The following ACCS variants were observed in gnomAD, a reference collection of about 807,000 sequenced individuals.
The protein encoded by ACCS is 1-aminocyclopropane-1-carboxylate synthase-like protein 1.
In ACCS, 42 loss-of-function variants were observed where a neutral mutation model predicts 59.8. The ratio of observed to expected loss-of-function variants is 0.70; its 90% CI spans 0.55 to 0.91. The LOEUF (loss-of-function observed/expected upper bound fraction) is 0.91, where lower values mean the gene tolerates loss of function less well. ACCS is among the 40% of genes least tolerant of loss of function. ACCS has a pLI of 0.00. For missense variants in ACCS, 602 were observed against 630.4 expected (o/e 0.95, Z 0.48); for synonymous variants, 230 against 240.3 (o/e 0.96, Z 0.40).
intron 2 of ACCS, among the ~76,000 whole-genome samples, chr11:44,069,068 G>A (rs544749185): frequency 6.6e-6 from 1 of 152,172 alleles, no homozygotes; most frequent in African/African-American, 2.4e-5. Flanking sequence ...ATGAACATTT[G>A]AGCAGAAACC....
chr11:44,081,013 T>C lies in ACCS; in HGVS notation c.924-7T>C. 6.2e-7 allele frequency: 1 copy of C among 1,614,204 alleles called. No homozygotes were observed. The highest frequency in any genetic ancestry group is 8.5e-7 in the Non-Finnish European group (1 of 1,180,032). The stretch of plus-strand genomic sequence containing the variant: ...TTGCCTCTGTTCCCATGCTGTGCTC[T>C]CTGCAGGCTCCCTGACCCCCAGAGG... On this transcript the variant is annotated splice_region_variant and splice_polypyrimidine_tract_variant and intron_variant, in intron 10 of 14. Transcript: ENST00000263776.
At chr11:44,078,027 C>T (rs753864353) in intron 8 of ACCS, 105 bp downstream of exon 8, 82 of 1,392,136 alleles carry the variant, frequency 5.9e-5, no homozygotes, top group South Asian at 7.3e-5. Context: ...GGTTGATACC[C>T]GGTGATTGGG....
At chr11:44,072,109 A>G (rs2134830782) in intron 3 of ACCS, 1 of 152,098 alleles carries the variant, frequency 6.6e-6, no homozygotes, top group Admixed American at 6.6e-5. Context: ...CCAAAGGGAG[A>G]AATCTCAACC....
chr11:44,072,431 C>G (rs1308890363), intron 3 of ACCS: 1 of 152,100 alleles, frequency 6.6e-6, no homozygotes, highest in African/African-American at 2.4e-5. Flanking sequence ...GCTAGGATTA[C>G]AGGCGTGAGC....
chr11:44,075,852 C>T (rs1953336053), intron 6 of ACCS: 5 of 453,930 alleles, frequency 1.1e-5, no homozygotes, highest in Non-Finnish European at 2.0e-5. Flanking sequence ...CTGTCGCGTC[C>T]TCACGTGACA....
intron 3 of ACCS, chr11:44,073,232 T>C (rs1953146262): frequency 5.1e-6 from 3 of 586,212 alleles, no homozygotes; most frequent in Non-Finnish European, 9.2e-6. Context: ...GTCTCAGCTC[T>C]GCCACTTGCT....
Position 44,083,168 on chromosome 11 carries a change from G to A in ACCS, c.1112-1G>A. 6.2e-7 allele frequency: 1 copy of A among 1,613,886 alleles called. No homozygotes were observed. Among genetic ancestry groups the A allele is most frequent in the South Asian group, 1.1e-5 (1 of 91,076 alleles). On this transcript the variant is annotated splice_acceptor_variant, in intron 12 of 14. Transcript: ENST00000263776. LOFTEE classifies it high-confidence loss of function. ...TCTTCTGGCCTCTTTCACCCAAACA[G>A]ACTGGATCAACCAGGTGTACCTGCC...
At position 44,067,737 on chromosome 11, in the gene ACCS, C is replaced by T. The variant is rs778317904; in HGVS notation, c.110C>T (p.Ser37Phe). Residue 37 changes from serine (S) to phenylalanine (F), a missense_variant, in exon 2 of 15, where the codon TCC (serine) becomes TTC (phenylalanine). Ser to Phe is a radical substitution (Grantham distance 155). Coordinates refer to ENST00000263776, the MANE Select transcript of ACCS (RefSeq NM_032592.4). ...GGGGAAGATCTGGAAGGAGAATGCT[C>T]CAGAAAACTGGACCAGAAGCTGCCA... is the stretch of plus-strand genomic sequence containing the variant. ...SHGEDLEGEC[S>F]RKLDQKLPEL... 9.3e-6 allele frequency: 15 copies of T among 1,614,180 alleles called. No individual in the cohort carries two copies. Among genetic ancestry groups the T allele is most frequent in the Admixed American group, 1.7e-5 (1 of 60,030 alleles).
chr11:44,071,181 C>G, intron 2 of ACCS, 75 bp from the exon 3 acceptor site: 1 of 1,524,122 alleles, frequency 6.6e-7, no homozygotes. Context: ...GCTTTGCTGC[C>G]TCCATGGGCT....
At chr11:44,076,551 A>G (rs186009317) in intron 6 of ACCS, among the ~76,000 whole-genome samples, 191 of 152,368 alleles carry the variant, frequency 1.3e-3, no homozygotes, top group Non-Finnish European at 8.8e-4. Context: ...TTCCAGAACA[A>G]TCAATAACAG....
intron 9 of ACCS, chr11:44,079,295 C>T (rs1953527111): frequency 3.0e-5 from 15 of 508,208 alleles, no homozygotes; most frequent in Middle Eastern, 5.3e-4. Context: ...TGGAGGTGCC[C>T]GGGAGATCCT....
At chr11:44,083,126 G>C in intron 12 of ACCS, 43 bp from the exon 13 acceptor site, 1 of 1,593,148 alleles carries the variant, frequency 6.3e-7, no homozygotes, top group Non-Finnish European at 8.5e-7. Context: ...CCAAGTAGAG[G>C]GTTGATGGGA....
chr11:44,075,847 G>A (rs756031004), intron 6 of ACCS: 18 of 460,552 alleles, frequency 3.9e-5, no homozygotes, highest in Non-Finnish European at 5.9e-5. Context: ...GGTGGCTGTC[G>A]CGTCCTCACG....
chr11:44,075,635 G>A (rs1363314027), intron 6 of ACCS, 43 bp downstream of exon 6: 1 of 1,603,426 alleles, frequency 6.2e-7, no homozygotes, highest in Admixed American at 1.7e-5. Flanking sequence ...GAGCCTCATT[G>A]TGCTTGCAGG....
Position 44,078,055 on chromosome 11 carries a change from T to C in ACCS, c.732+133T>C, listed in dbSNP as rs151237226. The C allele has an allele frequency of 5.7e-5, 67 of 1,175,008 alleles. No homozygotes were observed. The African/African-American group carries it at 8.1e-4, about 14-fold the overall frequency. The allele number at this position is 1,175,008 out of a possible 1,614,324, so 72.8% of individuals were successfully genotyped here. A position where few individuals can be genotyped will look rare whatever the true frequency, so the allele number is the denominator to read the frequency against. ...TGATTGGGACAGACAGGTAGGGTGG[T>C]AGCACAGAATTATTCTGGGAGTCAG... On this transcript the variant is annotated intron_variant, in intron 8 of 14. Coordinates refer to ENST00000263776, the MANE Select transcript of ACCS (RefSeq NM_032592.4).
intron 10 of ACCS, 72 bp from the exon 11 acceptor site, chr11:44,080,948 T>A: frequency 6.3e-7 from 1 of 1,588,314 alleles, no homozygotes; most frequent in Non-Finnish European, 8.6e-7. Flanking sequence ...CATCTCTTCA[T>A]TTGTTCAACC....
intron 12 of ACCS, among the ~76,000 whole-genome samples, chr11:44,081,558 A>G (rs1485263516): frequency 2.0e-5 from 3 of 152,266 alleles, no homozygotes; most frequent in Admixed American, 2.0e-4. Context: ...CAGGGATCAT[A>G]ATGGTACCTG....
intron 12 of ACCS, among the ~76,000 whole-genome samples, chr11:44,081,679 A>G (rs1367800255): frequency 4.6e-5 from 7 of 152,196 alleles, no homozygotes; most frequent in Admixed American, 4.6e-4. Context: ...CACCTAAAAA[A>G]CAGAGCAGGG....
At chr11:44,078,548 G>C in intron 8 of ACCS, 136 bp from the exon 9 acceptor site, 2 of 615,150 alleles carry the variant, frequency 3.3e-6, no homozygotes, top group Non-Finnish European at 5.6e-6. Flanking sequence ...TGTTCCGCTT[G>C]TTTGCTTCAT....
Sources: allele counts gnomAD v4.1 joint callset (sites outside exome capture counted in the v4.1 genomes callset), GRCh38; gene constraint gnomAD v4.1.1; transcripts MANE v1.5; gene names NCBI Gene and HGNC (gene_info 2026-07-23, HGNC 2026-07-21).